The following CAMK4 variants were observed in gnomAD, a reference collection of about 807,000 sequenced individuals.
CAMK4 encodes calcium/calmodulin dependent protein kinase IV.
Under a neutral mutation model 44.9 loss-of-function variants are expected in CAMK4, and 22 were observed. The ratio of observed to expected loss-of-function variants is 0.49; its 90% confidence interval spans 0.35 to 0.70. The LOEUF is 0.70. Ranked by LOEUF, CAMK4 falls within the 30% of genes least tolerant of loss-of-function variation. The pLI, the probability that CAMK4 is intolerant of heterozygous loss-of-function variation, is 0.01. For missense variants in CAMK4, 498 were observed against 586.8 expected (o/e 0.85, Z 1.56); for synonymous variants, 218 against 215.4 (o/e 1.01, Z -0.11).
chr5:111,463,427 G>A (rs970244664), intron 7 of CAMK4, among the ~76,000 whole-genome samples: 19 of 152,162 alleles, frequency 1.2e-4, no homozygotes, highest in South Asian at 2.1e-4. Flanking sequence ...TGAAGACAAA[G>A]GACATAACCT....
At chr5:111,483,410 G>C (rs942142518) in intron 10 of CAMK4, among the ~76,000 whole-genome samples, 2 of 151,940 alleles carry the variant, frequency 1.3e-5, no homozygotes, top group Non-Finnish European at 2.9e-5. Context: ...ATTTTATATA[G>C]TACCTATCGA....
Position 111,484,160 on chromosome 5 carries a change from T to C in CAMK4, c.1116T>C (p.Ile372=). 1 of 1,614,084 alleles carries C rather than the reference T, an allele frequency of 6.2e-7. No homozygotes were observed. The highest frequency in any genetic ancestry group is 1.6e-4 in the Middle Eastern group (1 of 6,062). The change falls in exon 11 of 11, where the codon ATT becomes ATC. Residue 372 remains isoleucine (I), a synonymous_variant. Transcript: ENST00000282356. This position sits in a 1 kb window ranked among gnomAD's most constrained non-coding sequence, Gnocchi z 5.3. ...ATGGCAACGAGGACATGAAAGCTAT[T>C]CCAGAAGGAGAGAAAATTCAAGGCG... ...IQDGNEDMKA[I]PEGEKIQGDG... is the part of the protein sequence containing the mutation.
In CAMK4 at chr5:111,474,338, A is replaced by G. The variant is rs143852127; in HGVS notation, c.701+952A>G. Among the ~76,000 whole-genome samples the G allele has an allele frequency of 5.0e-3, 758 of 152,350 alleles. 6 individuals carry two copies. The highest frequency in any genetic ancestry group is 0.02 in the Middle Eastern group (6 of 294). ...TTTCGGGGGCTGGAAGTCCAAGACC[A>G]GAGTGTCAGCACAGTCAGCTTCTGC... On this transcript the variant is annotated intron_variant, in intron 8 of 10. Transcript: ENST00000282356.
In CAMK4 at chr5:111,262,668, G is replaced by A. The variant is rs1301868623; in HGVS notation, c.161+38024G>A. 2.6e-5 allele frequency among the ~76,000 whole-genome samples: 4 copies of A among 152,184 alleles called. No homozygotes were observed. The South Asian group carries it at 8.3e-4, about 32-fold the overall frequency. On this transcript the variant is annotated intron_variant, in intron 1 of 10. Coordinates refer to ENST00000282356, the MANE Select transcript of CAMK4 (RefSeq NM_001744.6). ...TGACCCACTTTACTTGCTTTCATGT[G>A]GCTTTTTATATTCCATCAATAACAA...
intron 1 of CAMK4, among the ~76,000 whole-genome samples, chr5:111,291,151 T>C (rs1365479034): frequency 6.6e-6 from 1 of 152,228 alleles, no homozygotes; most frequent in African/African-American, 2.4e-5. Flanking sequence ...ATTTATTATG[T>C]GTTCGAAAAA....
intron 3 of CAMK4, 49 bp from the exon 4 acceptor site, chr5:111,376,811 A>G: frequency 1.8e-6 from 2 of 1,136,114 alleles, no homozygotes; most frequent in Non-Finnish European, 2.6e-6. Flanking sequence ...TTTCCAAGAA[A>G]GATGGAATAA....
At chr5:111,352,625 A>C (rs950935016) in intron 2 of CAMK4, among the ~76,000 whole-genome samples, 1 of 123,382 alleles carries the variant, frequency 8.1e-6, no homozygotes, top group Non-Finnish European at 1.7e-5. Flanking sequence ...GTGTCAACTC[A>C]TGGCAGAATA....
intron 5 of CAMK4, among the ~76,000 whole-genome samples, chr5:111,430,534 A>G (rs886454482): frequency 1.3e-5 from 2 of 152,238 alleles, no homozygotes; most frequent in Non-Finnish European, 2.9e-5. Flanking sequence ...TGCTGATTAT[A>G]TGATCTTATA....
chr5:111,385,287 CA>C (rs1195555973), intron 4 of CAMK4, among the ~76,000 whole-genome samples: 1 of 151,816 alleles, frequency 6.6e-6, no homozygotes, highest in Non-Finnish European at 1.5e-5. Context: ...GTGTAGAGTA[CA>C]AAACAAGGGG....
chr5:111,295,736 T>C (rs1185185150), intron 1 of CAMK4, among the ~76,000 whole-genome samples: 2 of 152,338 alleles, frequency 1.3e-5, no homozygotes, highest in East Asian at 3.9e-4. Context: ...TATGCTGGGC[T>C]CTTCCTTCTT....
rs563462359 is a variant in CAMK4 at position 111,406,412 on chromosome 5, C to T, written c.459+11630C>T. Among the ~76,000 whole-genome samples the T allele has an allele frequency of 1.5e-4, 23 of 151,930 alleles. No individual in the cohort carries two copies. In the East Asian group the frequency reaches 1.5e-3, roughly 10 times the overall value. On this transcript the variant is annotated intron_variant, in intron 5 of 10. Coordinates refer to ENST00000282356, the MANE Select transcript of CAMK4 (RefSeq NM_001744.6). ...CTAATTTTTGTATTTTTTGTAGAGA[C>T]GAGGTTTCACCATGTTGGCCAGGCT...
At chr5:111,449,329 T>G in intron 7 of CAMK4, 126 bp downstream of exon 7, 19 of 513,334 alleles carry the variant, frequency 3.7e-5, no homozygotes, top group Admixed American at 3.6e-5. Flanking sequence ...TGCAAATCTC[T>G]ATGAGGAAGG....
chr5:111,374,936 T>A, intron 3 of CAMK4, 24 bp downstream of exon 3: 1 of 1,512,342 alleles, frequency 6.6e-7, no homozygotes, highest in Non-Finnish European at 9.2e-7. Context: ...AACCTACTAT[T>A]TCAAATGATT....
chr5:111,318,492 C>T (rs778055783), intron 1 of CAMK4, among the ~76,000 whole-genome samples: 3 of 151,986 alleles, frequency 2.0e-5, no homozygotes, highest in Non-Finnish European at 4.4e-5. Context: ...ATTATCTAAG[C>T]GGGAGTGAAA....
chr5:111,443,315 CTA>C (rs1235660324), intron 5 of CAMK4, among the ~76,000 whole-genome samples: 25 of 107,528 alleles, frequency 2.3e-4, no homozygotes, highest in Non-Finnish European at 3.3e-4. Context: ...CACACACACA[CTA>C]TATATATATA....
At chr5:111,381,843 A>G (rs921018794) in intron 4 of CAMK4, among the ~76,000 whole-genome samples, 2 of 152,188 alleles carry the variant, frequency 1.3e-5, no homozygotes, top group Non-Finnish European at 2.9e-5. Context: ...TTTTTCACAG[A>G]CACTAATGTA....
At chr5:111,244,755 G>T (rs1470520168) in intron 1 of CAMK4, among the ~76,000 whole-genome samples, 1 of 152,066 alleles carries the variant, frequency 6.6e-6, no homozygotes, top group African/African-American at 2.4e-5. Flanking sequence ...CAGCTACTTG[G>T]GGGGCTGAGG....
intron 2 of CAMK4, among the ~76,000 whole-genome samples, chr5:111,368,064 G>A (rs1414959501): frequency 6.6e-6 from 1 of 151,976 alleles, no homozygotes. Context: ...GGGAACTTGG[G>A]CTAATTAGCC....
chr5:111,282,650 A>C (rs1054978956), intron 1 of CAMK4, among the ~76,000 whole-genome samples: 3 of 152,188 alleles, frequency 2.0e-5, no homozygotes, highest in Non-Finnish European at 4.4e-5. Flanking sequence ...TACCATTCTT[A>C]CTTAAGTTCT....
Sources: allele counts gnomAD v4.1 joint callset (sites outside exome capture counted in the v4.1 genomes callset), GRCh38; gene constraint gnomAD v4.1.1; non-coding constraint Gnocchi (gnomAD v3.1); transcripts MANE v1.5; gene names NCBI Gene and HGNC (gene_info 2026-07-23, HGNC 2026-07-21).